TRIM66: variants seen among roughly 807,000 people sequenced by gnomAD.
The protein encoded by TRIM66 is tripartite motif containing 66.
Under a neutral mutation model 148.2 loss-of-function variants are expected in TRIM66, and 99 were observed. The observed-to-expected ratio is 0.67, with a 90% CI of 0.57 to 0.79. The LOEUF (loss-of-function observed/expected upper bound fraction) is 0.79, where lower values mean the gene tolerates loss of function less well. Among genes scored for constraint, TRIM66 ranks in the 30% least tolerant of loss-of-function variants. The pLI is 0.00. For synonymous variants in TRIM66, 616 were observed against 635.9 expected (o/e 0.97, Z 0.47); for missense variants, 1,666 against 1,697.9 (o/e 0.98, Z 0.33).
At chr11:8,663,746 G>A (rs1047399259) in intron 6 of TRIM66, among the ~76,000 whole-genome samples, 10 of 152,172 alleles carry the variant, frequency 6.6e-5, no homozygotes, top group African/African-American at 2.4e-4. Flanking sequence ...AGTGTCTACT[G>A]ATGAATGGAT....
chr11:8,670,007 G>GTTTTTTTTTTTTTTTTTTTTTT, intron 6 of TRIM66, among the ~76,000 whole-genome samples: 1 of 138,548 alleles, frequency 7.2e-6, no homozygotes, highest in South Asian at 2.5e-4. Context: ...GTCTTGTTTT[G>GTTTTTTTTTTTTTTTTTTTTTT]TTTTTATTTA....
chr11:8,639,160 C>T (rs1263459641), intron 14 of TRIM66, among the ~76,000 whole-genome samples: 1 of 152,188 alleles, frequency 6.6e-6, no homozygotes, highest in Non-Finnish European at 1.5e-5. Context: ...TCTATATCTC[C>T]TCAAAAGAAC....
chr11:8,671,672 T>A (rs1444395550), intron 6 of TRIM66, 114 bp downstream of exon 6: 1 of 621,300 alleles, frequency 1.6e-6, no homozygotes, highest in East Asian at 2.7e-5. Flanking sequence ...CAGCAATGAG[T>A]GTCCCTTGGG....
In TRIM66 at chr11:8,656,886, A is replaced by G. The variant is rs568814398; in HGVS notation, c.341-4983T>C. Among the ~76,000 whole-genome samples, 35 of 152,336 alleles carry G rather than the reference A, an allele frequency of 2.3e-4. 1 individual carries two copies. The highest frequency in any genetic ancestry group is 7.7e-4 in the African/African-American group (32 of 41,584). ...TGGCAGAGAAAAGGGCAGATTCCCA[A>G]CAGACAGGTAGTGACCTGATATCCC... On this transcript the variant is annotated intron_variant, in intron 6 of 24. Coordinates refer to ENST00000646038, the MANE Select transcript of TRIM66 (RefSeq NM_001388022.1).
intron 15 of TRIM66, among the ~76,000 whole-genome samples, chr11:8,629,086 T>C (rs1041090320): frequency 6.6e-6 from 1 of 152,162 alleles, no homozygotes. Flanking sequence ...TTAAACCAAA[T>C]TGGGTAAGCT....
At chr11:8,648,197 T>C (rs1238738180) in intron 9 of TRIM66, 111 bp from the exon 10 acceptor site, 2 of 1,188,630 alleles carry the variant, frequency 1.7e-6, no homozygotes, top group African/African-American at 1.5e-5. Flanking sequence ...ATGGAAGCTG[T>C]GATGACTTCT....
upstream of TRIM66, chr11:8,683,017 A>G (rs749377495): frequency 8.1e-6 from 7 of 860,122 alleles, no homozygotes; most frequent in Non-Finnish European, 1.3e-5. Context: ...GATCTCTAGG[A>G]CACGCGGGCC....
In TRIM66 at chr11:8,625,001, C is replaced by G. The variant is rs754646502; in HGVS notation, c.2538G>C (p.Gln846His). 1.5e-5 allele frequency: 24 copies of G among 1,551,612 alleles called. No individual in the cohort carries two copies. The highest frequency in any genetic ancestry group is 4.8e-5 in the South Asian group (4 of 84,066). ...TGCTATGCACAAGGCTGGGCACAGT[C>G]TGTAGGTGACTGGTTGTCAGGCTGG... ...AMPSLTTSHL[Q>H]TVPSLVHSTF... Residue 846 changes from glutamine (Q) to histidine (H), a missense_variant, in exon 16 of 25, where the codon CAG (glutamine) becomes CAC (histidine). Transcript: ENST00000646038.
intron 6 of TRIM66, among the ~76,000 whole-genome samples, chr11:8,664,472 T>C (rs908360072): frequency 2.0e-5 from 3 of 152,166 alleles, no homozygotes; most frequent in Non-Finnish European, 4.4e-5. Context: ...GCAGTAGTTG[T>C]TAACCTTAGT....
At chr11:8,671,353 G>A (rs907179190) in intron 6 of TRIM66, among the ~76,000 whole-genome samples, 1 of 152,068 alleles carries the variant, frequency 6.6e-6, no homozygotes, top group African/African-American at 2.4e-5. Context: ...GAAGACACAG[G>A]CTCCTCCCTG....
At position 8,629,270 on chromosome 11, in the gene TRIM66, C is replaced by T. The variant is rs114992819; in HGVS notation, c.2311-4042G>A. ...AGAACACCCAGTGACTATTTCATTC[C>T]GTTTTGCAATATATGACAGTCTAAT... On this transcript the variant is annotated intron_variant, in intron 15 of 24. Coordinates refer to ENST00000646038, the MANE Select transcript of TRIM66 (RefSeq NM_001388022.1). Among the ~76,000 whole-genome samples the T allele has an allele frequency of 2.5e-3, 375 of 152,286 alleles. 2 individuals are homozygous for T. The highest frequency in any genetic ancestry group is 8.6e-3 in the African/African-American group (358 of 41,562).
intron 13 of TRIM66, among the ~76,000 whole-genome samples, chr11:8,642,383 G>A (rs2036473723): frequency 6.6e-6 from 1 of 152,138 alleles, no homozygotes. Flanking sequence ...AAGATTAACA[G>A]CCTCAAATGA....
chr11:8,638,658 C>T lies in TRIM66; in HGVS notation c.2306G>A (p.Arg769Lys). The change falls in exon 15 of 25, where the codon AGA becomes AAA. Residue 769 changes from arginine (R) to lysine (K), a missense_variant. By Grantham distance (26) the Arg-to-Lys change is conservative (BLOSUM62 2). This residue lies in a region of TRIM66 where 1,431 missense variants were observed against 1,412.4 expected (regional missense o/e 1.01). Transcript: ENST00000646038. ...TIQHSSPNVV[R>K]KHSTSLSIMG... ...GAAAACAGGCTCCTTCAGTACCTTT[C>T]TCACCACATTTGGAGAGGAGTGCTG... 1 of 1,548,160 alleles carries T rather than the reference C, an allele frequency of 6.5e-7. No homozygotes were observed. The highest frequency in any genetic ancestry group is 8.7e-7 in the Non-Finnish European group (1 of 1,145,966).
At position 8,638,783 on chromosome 11, in the gene TRIM66, T is replaced by G. The variant is rs2036119223; in HGVS notation, c.2181A>C (p.Ser727=). Residue 727 remains serine, a synonymous_variant, in exon 15 of 25, where the codon TCA becomes TCC. Transcript: ENST00000646038. ...TCTTGTCAAGAGGGAGAGCCGGCTT[T>G]GAGCCCTGAGATGCTGGGGGCTCAT... ...ATDEPPASQG[S]KPALPLDKNT... is the part of the protein sequence containing the mutation. 1.9e-6 allele frequency: 3 copies of G among 1,551,284 alleles called. No individual in the cohort carries two copies. In the African/African-American group the frequency reaches 4.1e-5, roughly 21 times the overall value.
At chr11:8,633,530 G>A (rs371491113) in intron 15 of TRIM66, among the ~76,000 whole-genome samples, 8 of 152,298 alleles carry the variant, frequency 5.3e-5, no homozygotes, top group Middle Eastern at 3.4e-3. Flanking sequence ...CAGACTTGGG[G>A]AGTGTTTGGC....
rs1171652313 is a variant in TRIM66, at chr11:8,614,299, A to G, written c.*3645T>C. On this transcript the variant is annotated 3_prime_UTR_variant, in exon 25 of 25. Coordinates refer to ENST00000646038, the MANE Select transcript of TRIM66 (RefSeq NM_001388022.1). ...GGTTGCAATGAGCCGACATCATACC[A>G]CTGCACTCCAGCCTGCATGACAGAG... is the stretch of plus-strand genomic sequence containing the variant. 5 of 152,286 alleles carry G rather than the reference A, an allele frequency of 3.3e-5. No homozygotes were observed. Among genetic ancestry groups the G allele is most frequent in the Admixed American group, 3.3e-4 (5 of 15,288 alleles). The allele number at this position is 152,286 out of a possible 1,614,324, so 9.4% of individuals were successfully genotyped here. A position where few individuals can be genotyped will look rare whatever the true frequency, so the allele number is the denominator to read the frequency against.
chr11:8,680,620 T>C (rs1025403412), intron 1 of TRIM66: 2 of 152,244 alleles, frequency 1.3e-5, no homozygotes, highest in Admixed American at 1.3e-4. Flanking sequence ...AAGGCACCAG[T>C]GAGCAGTGCA....
chr11:8,671,783 T>TA lies in TRIM66; in HGVS notation c.340+2dup. ...GGTGAACTTGTGGTGCCTTTGTACT[T>TA]ACCATCTGCAACAGTCTCATGAGCC... On this transcript the variant is annotated splice_region_variant and intron_variant, in intron 6 of 24. Transcript: ENST00000646038. The TA allele has an allele frequency of 1.6e-6, 2 of 1,273,834 alleles. No homozygotes were observed. Among genetic ancestry groups the TA allele is most frequent in the Non-Finnish European group, 2.2e-6 (2 of 907,366 alleles). The allele number at this position is 1,273,834 out of a possible 1,614,324, so 78.9% of individuals were successfully genotyped here. A position where few individuals can be genotyped will look rare whatever the true frequency, so the allele number is the denominator to read the frequency against.
intron 6 of TRIM66, among the ~76,000 whole-genome samples, chr11:8,665,183 T>C (rs2038511725): frequency 6.6e-6 from 1 of 152,026 alleles, no homozygotes; most frequent in Admixed American, 6.6e-5. Flanking sequence ...AAAGCCTGTG[T>C]TCCTACTCTG....
Sources: allele counts gnomAD v4.1 joint callset (sites outside exome capture counted in the v4.1 genomes callset), GRCh38; gene constraint gnomAD v4.1.1; regional missense constraint gnomAD v4.1.1; transcripts MANE v1.5; gene names NCBI Gene and HGNC (gene_info 2026-07-23, HGNC 2026-07-21).